The following DST variants were observed in gnomAD, a reference collection of about 807,000 sequenced individuals.
DST encodes the protein bullous pemphigoid antigen.
In DST, 253 loss-of-function variants were observed where a neutral mutation model predicts 875.2. The observed-to-expected ratio is 0.29, with a 90% CI of 0.26 to 0.32. The LOEUF (loss-of-function observed/expected upper bound fraction) is 0.32. Among genes scored for constraint, DST ranks in the 10% least tolerant of loss-of-function variants. The pLI is 1.00. For missense variants in DST, 8,287 were observed against 9,111.6 expected (o/e 0.91, Z 3.68); for synonymous variants, 3,124 against 3,197.1 (o/e 0.98, Z 0.77).
intron 34 of DST, among the ~76,000 whole-genome samples, chr6:56,625,580 G>T: frequency 6.6e-6 from 1 of 151,986 alleles, no homozygotes; most frequent in East Asian, 1.9e-4. Context: ...GGTGATGCTG[G>T]TGTAAACAAA....
At position 56,597,984 on chromosome 6, in the gene DST, T is replaced by C; in HGVS notation, c.11951A>G (p.Glu3984Gly). The part of the protein sequence containing the change: ...TEKVAAVKQL[E>G]ESKTKIENLL... ...GTTTTCTATTTTGGTTTTGCTCTCT[T>C]CCAGCTGCTTCACTGCTGCTACCTG... Residue 3984 changes from glutamate to glycine, a missense_variant, in exon 47 of 104, where the codon GAA (glutamate) becomes GGA (glycine). Glu to Gly is a moderately conservative substitution (Grantham distance 98, BLOSUM62 -2). Transcript: ENST00000680361. The C allele has an allele frequency of 6.2e-7, 1 of 1,600,738 alleles. No individual in the cohort carries two copies.
intron 4 of DST, among the ~76,000 whole-genome samples, chr6:56,763,808 A>T (rs988974579): frequency 6.6e-6 from 1 of 151,420 alleles, no homozygotes; most frequent in African/African-American, 2.4e-5. Flanking sequence ...ATGCTGGTCC[A>T]ATCCCACAAG....
chr6:56,738,447 AG>A (rs1314517103), intron 4 of DST, among the ~76,000 whole-genome samples: 2 of 152,068 alleles, frequency 1.3e-5, no homozygotes, highest in Non-Finnish European at 2.9e-5. Flanking sequence ...CAGCCTCCCG[AG>A]TAGCTGGGAC....
At chr6:56,694,315 T>A (rs115964647) in intron 9 of DST, among the ~76,000 whole-genome samples, 1 of 152,062 alleles carries the variant, frequency 6.6e-6, no homozygotes, top group Non-Finnish European at 1.5e-5. Context: ...CACTAGGTAG[T>A]CTTTAGACTG....
intron 3 of DST, among the ~76,000 whole-genome samples, chr6:56,888,846 G>A (rs1166507071): frequency 6.6e-6 from 1 of 152,190 alleles, no homozygotes. Context: ...ACCCACAACA[G>A]AAGGAAAAGA....
intron 55 of DST, among the ~76,000 whole-genome samples, chr6:56,564,215 A>G (rs1293533155): frequency 6.6e-6 from 1 of 152,200 alleles, no homozygotes; most frequent in Admixed American, 6.5e-5. Context: ...TGAGCATGGA[A>G]TGTTTTTCTA....
chr6:56,598,775 T>A, intron 45 of DST, 66 bp from the exon 46 acceptor site: 1 of 994,194 alleles, frequency 1.0e-6, no homozygotes, highest in Non-Finnish European at 1.4e-6. Flanking sequence ...TCCAGAGTTG[T>A]AATTCTAAAA....
intron 1 of DST, 82 bp from the exon 2 acceptor site, chr6:56,953,901 CCAGGGTTGGGAAAG>C: frequency 9.1e-7 from 1 of 1,094,616 alleles, no homozygotes; most frequent in Non-Finnish European, 1.2e-6. Context: ...ACCTGGGAGA[CCAGGGTTGGGAAAG>C]CACATCGCAG....
chr6:56,933,077 A>G (rs1404066998), intron 2 of DST, among the ~76,000 whole-genome samples: 1 of 152,088 alleles, frequency 6.6e-6, no homozygotes, highest in Non-Finnish European at 1.5e-5. Context: ...GATAGGAGGA[A>G]CTGAGGACTG....
chr6:56,660,613 CAAAAAAAAAAAAAG>C (rs912557722), intron 10 of DST, among the ~76,000 whole-genome samples: 42 of 89,106 alleles, frequency 4.7e-4, no homozygotes, highest in African/African-American at 1.6e-3. Flanking sequence ...TTGCAATCAC[CAAAAAAAAAAAAAG>C]AAAAAAAAAA....
intron 10 of DST, among the ~76,000 whole-genome samples, chr6:56,656,297 A>C (rs1354294473): frequency 1.3e-5 from 2 of 151,998 alleles, no homozygotes; most frequent in Admixed American, 1.3e-4. Flanking sequence ...TGAGGACAAC[A>C]AACAGCGGTG....
In DST at chr6:56,953,754, T is replaced by A. The variant is rs1369113509; in HGVS notation, c.216+31A>T. ...GGTACTCAGGAAAGAGAACTTCTTC[T>A]GACCTTGAGCGTGCGCGCTAAATAA... is the stretch of plus-strand genomic sequence containing the variant. On this transcript the variant is annotated intron_variant, in intron 2 of 103. Coordinates refer to ENST00000680361, the MANE Select transcript of DST (RefSeq NM_001374736.1). The A allele has an allele frequency of 3.1e-6, 4 of 1,306,624 alleles. No individual in the cohort carries two copies. The South Asian group carries it at 4.9e-5, about 16-fold the overall frequency. 80.9% of individuals were successfully genotyped at this position (1,306,624 alleles called of 1,614,324 possible).
intron 10 of DST, among the ~76,000 whole-genome samples, chr6:56,656,777 C>T (rs1351750885): frequency 6.6e-6 from 1 of 152,128 alleles, no homozygotes; most frequent in Non-Finnish European, 1.5e-5. Flanking sequence ...AAAGAAAATA[C>T]AGAACAAATT....
intron 4 of DST, among the ~76,000 whole-genome samples, chr6:56,835,102 A>G (rs576835172): frequency 6.6e-6 from 1 of 152,334 alleles, no homozygotes; most frequent in South Asian, 2.1e-4. Flanking sequence ...AAGTCTATAT[A>G]CTGCAGGATT....
chr6:56,953,645 G>T, intron 2 of DST, 140 bp downstream of exon 2: 1 of 540,608 alleles, frequency 1.8e-6, no homozygotes, highest in Non-Finnish European at 3.0e-6. Context: ...TCACTTAAAA[G>T]GAAACATGCC....
chr6:56,620,052 A>T lies in DST; in HGVS notation c.4929+4478T>A, dbSNP rs771206867. 3.7e-6 allele frequency: 6 copies of T among 1,613,716 alleles called. No homozygotes were observed. In the African/African-American group the frequency reaches 5.3e-5, roughly 14 times the overall value. The stretch of plus-strand genomic sequence containing the variant: ...GGCAATGCATTTTCTCTACATGTAT[A>T]CTGAATTTCAGTTATTTTTCTTCTT... On this transcript the variant is annotated intron_variant, in intron 36 of 103. Transcript: ENST00000680361.
intron 88 of DST, chr6:56,484,003 A>G (rs1292116484): frequency 6.6e-6 from 1 of 152,190 alleles, no homozygotes; most frequent in Non-Finnish European, 1.5e-5. Flanking sequence ...AGTTTTCAGA[A>G]GACTTTCCAA....
chr6:56,829,985 G>A (rs1253031280), intron 4 of DST, among the ~76,000 whole-genome samples: 1 of 151,924 alleles, frequency 6.6e-6, no homozygotes, highest in African/African-American at 2.4e-5. Context: ...ATAGTGATTA[G>A]AATTTCTTAA....
intron 4 of DST, among the ~76,000 whole-genome samples, chr6:56,764,043 A>C (rs753380317): frequency 1.3e-5 from 2 of 150,100 alleles, no homozygotes. Flanking sequence ...AAATTCATCT[A>C]CCTGTTCCTG....
Sources: gnomAD v4.1 joint callset for allele counts (sites outside exome capture counted in the v4.1 genomes callset) on GRCh38, gnomAD v4.1.1 for gene constraint, MANE v1.5 for transcripts, NCBI Gene and HGNC (gene_info 2026-07-23, HGNC 2026-07-21) for gene names.